The following EVC2 variants were observed in gnomAD, a reference collection of about 807,000 sequenced individuals.
EVC2 encodes EvC ciliary complex subunit 2, also known as limbin.
In EVC2, 148 loss-of-function variants were observed where a neutral mutation model predicts 149.3. That is an observed-to-expected ratio of 0.99 (90% confidence interval 0.87 to 1.14). The LOEUF is 1.14. EVC2 is among the 50% of genes most tolerant of loss of function. The probability of loss-of-function intolerance (pLI) is 0.00; values close to 1 mark genes in which losing one functional copy is unlikely to be tolerated. For synonymous variants in EVC2, 776 were observed against 649.9 expected (o/e 1.19, Z -2.95); for missense variants, 1,854 against 1,627.3 (o/e 1.14, Z -2.40).
intron 16 of EVC2, among the ~76,000 whole-genome samples, chr4:5,615,194 C>A (rs1475274694): frequency 6.6e-6 from 1 of 152,140 alleles, no homozygotes; most frequent in Admixed American, 6.6e-5. Context: ...CCGGTGAGAT[C>A]CCCAGACTGA....
chr4:5,667,419 GA>G (rs1258521207), intron 7 of EVC2, among the ~76,000 whole-genome samples: 6 of 152,036 alleles, frequency 3.9e-5, no homozygotes, highest in Non-Finnish European at 8.8e-5. Context: ...TTTGATAGAT[GA>G]AAATCACCCA....
intron 9 of EVC2, among the ~76,000 whole-genome samples, chr4:5,652,598 C>T (rs771059094): frequency 6.6e-6 from 1 of 152,146 alleles, no homozygotes; most frequent in Non-Finnish European, 1.5e-5. Context: ...GGAGCATCCT[C>T]CAGCCGGCAA....
At chr4:5,678,523 C>T (rs1366384816) in intron 7 of EVC2, among the ~76,000 whole-genome samples, 1 of 152,190 alleles carries the variant, frequency 6.6e-6, no homozygotes, top group Non-Finnish European at 1.5e-5. Context: ...CATGCATCAC[C>T]TAACAAGGAA....
At chr4:5,658,175 T>G (rs1464747162) in intron 9 of EVC2, among the ~76,000 whole-genome samples, 3 of 152,202 alleles carry the variant, frequency 2.0e-5, no homozygotes, top group Non-Finnish European at 2.9e-5. Context: ...ACAAGAGTCT[T>G]GGATCTACCA....
At chr4:5,610,579 T>C (rs1034975569) in intron 16 of EVC2, among the ~76,000 whole-genome samples, 2 of 152,002 alleles carry the variant, frequency 1.3e-5, no homozygotes, top group African/African-American at 4.8e-5. Flanking sequence ...CTGCCCCAAA[T>C]GTAAACCATA....
At chr4:5,617,906 G>T (rs1484729935) in intron 15 of EVC2, among the ~76,000 whole-genome samples, 4 of 152,192 alleles carry the variant, frequency 2.6e-5, no homozygotes, top group Non-Finnish European at 5.9e-5. Flanking sequence ...TGTGGTCTCA[G>T]GTAAAGTTGA....
At chr4:5,660,932 GC>G (rs1718836095) in intron 9 of EVC2, among the ~76,000 whole-genome samples, 1 of 152,122 alleles carries the variant, frequency 6.6e-6, no homozygotes, top group African/African-American at 2.4e-5. Context: ...AAAATAAGAT[GC>G]CATACCAAAA....
chr4:5,689,083 A>C, intron 5 of EVC2, 74 bp downstream of exon 5: 1 of 1,546,030 alleles, frequency 6.5e-7, no homozygotes, highest in South Asian at 1.1e-5. Flanking sequence ...TGCCTGACCC[A>C]GAACACATTC....
At chr4:5,596,665 G>A (rs1290244761) in intron 16 of EVC2, among the ~76,000 whole-genome samples, 6 of 152,052 alleles carry the variant, frequency 3.9e-5, no homozygotes, top group Non-Finnish European at 5.9e-5. Context: ...AAGAACTACA[G>A]AAGTAAGAGC....
chr4:5,673,209 A>G (rs1444563032), intron 7 of EVC2, among the ~76,000 whole-genome samples: 1 of 152,236 alleles, frequency 6.6e-6, no homozygotes, highest in Non-Finnish European at 1.5e-5. Flanking sequence ...CTGAGCCGCT[A>G]TTGCTACTAC....
rs943919887 is a variant in EVC2, at chr4:5,614,286, G to A, written c.2829+1136C>T. On this transcript the variant is annotated intron_variant, in intron 16 of 21. Transcript: ENST00000344408. The surrounding 1 kb of genome is among the most constrained non-coding windows in gnomAD (Gnocchi z 4.7). ...CTGATGACAGTCTATCATTTTAAGT[G>A]TTTATGATCCATTTCCCCCAACTAG... Among the ~76,000 whole-genome samples, 2 of 152,162 alleles carry A rather than the reference G, an allele frequency of 1.3e-5. No homozygotes were observed. The highest frequency in any genetic ancestry group is 2.9e-5 in the Non-Finnish European group (2 of 68,020).
chr4:5,551,358 T>C (rs148689983), intron 21 of EVC2, among the ~76,000 whole-genome samples: 243 of 152,288 alleles, frequency 1.6e-3, no homozygotes, highest in African/African-American at 5.7e-3. Flanking sequence ...ATGTGAGACA[T>C]GGAATCAAAG....
chr4:5,599,645 A>G (rs956159283), intron 16 of EVC2, among the ~76,000 whole-genome samples: 3 of 152,168 alleles, frequency 2.0e-5, no homozygotes, highest in African/African-American at 4.8e-5. Flanking sequence ...TGGGTGCAGC[A>G]CACCAGCATG....
intron 11 of EVC2, among the ~76,000 whole-genome samples, chr4:5,630,186 G>A (rs1333488064): frequency 6.6e-6 from 1 of 152,152 alleles, no homozygotes; most frequent in Non-Finnish European, 1.5e-5. Context: ...CTCTGTCCTG[G>A]GTGCCTTCTG....
chr4:5,565,242 A>G lies in EVC2; in HGVS notation c.3659+16T>C. On this transcript the variant is annotated intron_variant, in intron 21 of 21. Transcript: ENST00000344408. ...TCACCCCCTCCCCAGCCACATGAGC[A>G]GGTGCCCATCATTACCTCTGCTTTC... 6.2e-7 allele frequency: 1 copy of G among 1,612,558 alleles called. No homozygotes were observed. Among genetic ancestry groups the G allele is most frequent in the East Asian group, 2.2e-5 (1 of 44,814 alleles).
downstream of EVC2, among the ~76,000 whole-genome samples, chr4:5,540,051 A>G (rs1053132120): frequency 1.3e-5 from 2 of 152,236 alleles, no homozygotes; most frequent in Non-Finnish European, 2.9e-5. Context: ...AAACAACCCA[A>G]AAGATCTAAC....
At chr4:5,541,889 G>C (rs919811184), downstream of EVC2, among the ~76,000 whole-genome samples, 2 of 152,122 alleles carry the variant, frequency 1.3e-5, no homozygotes, top group African/African-American at 4.8e-5. Context: ...TTTATGTCCC[G>C]AGCAATGGAC....
intron 11 of EVC2, among the ~76,000 whole-genome samples, chr4:5,630,340 T>C (rs1170362106): frequency 6.6e-6 from 1 of 152,124 alleles, no homozygotes; most frequent in African/African-American, 2.4e-5. Flanking sequence ...GTTGGGTGAA[T>C]GCTGAGGACC....
At chr4:5,560,846 G>C (rs1339664842), downstream of EVC2, among the ~76,000 whole-genome samples, 1 of 152,134 alleles carries the variant, frequency 6.6e-6, no homozygotes, top group Admixed American at 6.5e-5. This position sits in a 1 kb window ranked among gnomAD's most constrained non-coding sequence, Gnocchi z 4.1. Context: ...TAAAATGACT[G>C]CTAAAAAGTT....
Sources: gnomAD v4.1 joint callset for allele counts (sites outside exome capture counted in the v4.1 genomes callset) on GRCh38, gnomAD v4.1.1 for gene constraint, Gnocchi (gnomAD v3.1) non-coding constraint, MANE v1.5 for transcripts, NCBI Gene and HGNC (gene_info 2026-07-23, HGNC 2026-07-21) for gene names.